CDHR3: variants seen among roughly 807,000 people sequenced by gnomAD.
The protein encoded by CDHR3 is cadherin-related family member 3.
In CDHR3, 79 loss-of-function variants were observed where a neutral mutation model predicts 86.6. That is an observed-to-expected ratio of 0.91 (90% CI 0.76 to 1.10). The LOEUF (loss-of-function observed/expected upper bound fraction) is 1.10, where lower values mean the gene tolerates loss of function less well. Among genes scored for constraint, CDHR3 ranks in the 50% least tolerant of loss-of-function variants. CDHR3 has a pLI of 0.00. For synonymous variants in CDHR3, 421 were observed against 402.4 expected, an observed-to-expected ratio of 1.05 and a Z score of -0.55; for missense variants, 1,081 against 1,077.6, an observed-to-expected ratio of 1.00 and a Z score of -0.04.
At chr7:105,981,789 C>T (rs1339343520) in intron 3 of CDHR3, among the ~76,000 whole-genome samples, 1 of 152,096 alleles carries the variant, frequency 6.6e-6, no homozygotes, top group African/African-American at 2.4e-5. Context: ...TCCACCCCCA[C>T]CCAAATCTGC....
intron 2 of CDHR3, 35 bp from the exon 3 acceptor site, chr7:105,980,933 C>A: frequency 6.4e-7 from 1 of 1,567,240 alleles, no homozygotes. Context: ...GATCTTCTTT[C>A]ACATGGTTAC....
At chr7:105,964,831 A>G (rs1277831594) in intron 1 of CDHR3, among the ~76,000 whole-genome samples, 1 of 152,130 alleles carries the variant, frequency 6.6e-6, no homozygotes, top group Non-Finnish European at 1.5e-5. Context: ...GGGCTTTTCA[A>G]CTCAGCAGAG....
At chr7:106,005,885 C>T (rs1833878988) in intron 8 of CDHR3, among the ~76,000 whole-genome samples, 1 of 152,182 alleles carries the variant, frequency 6.6e-6, no homozygotes, top group Admixed American at 6.5e-5. Context: ...ATCCAGTCTC[C>T]ACCCTGCTCT....
At chr7:106,015,772 A>AC in intron 10 of CDHR3, 155 bp from the exon 11 acceptor site, 1 of 683,058 alleles carries the variant, frequency 1.5e-6, no homozygotes, top group South Asian at 1.5e-5. Context: ...AAGGGTGAAC[A>AC]CCCTCGGCAT....
At chr7:105,996,197 T>G in intron 5 of CDHR3, 53 bp from the exon 6 acceptor site, 2 of 979,200 alleles carry the variant, frequency 2.0e-6, no homozygotes, top group Non-Finnish European at 3.2e-6. Flanking sequence ...CATCCTATTT[T>G]GAAGTAGTGC....
intron 2 of CDHR3, among the ~76,000 whole-genome samples, chr7:105,980,732 G>T (rs1486218552): frequency 6.6e-6 from 1 of 150,822 alleles, no homozygotes; most frequent in Non-Finnish European, 1.5e-5. Flanking sequence ...AAGGTCTCCT[G>T]ACTATTTTTC....
chr7:105,974,728 C>T, intron 1 of CDHR3, 116 bp from the exon 2 acceptor site: 2 of 748,008 alleles, frequency 2.7e-6, no homozygotes, highest in Non-Finnish European at 4.6e-6. Context: ...CGGGGAGTGA[C>T]CAGCTCTCAT....
rs1029781798 is a variant in CDHR3 at position 106,033,158 on chromosome 7, G to A, written c.*461G>A. 1.3e-5 allele frequency: 2 copies of A among 156,252 alleles called. No homozygotes were observed. The highest frequency in any genetic ancestry group is 4.8e-5 in the African/African-American group (2 of 41,476). 9.7% of individuals were successfully genotyped at this position (156,252 alleles called of 1,614,324 possible). A position where few individuals can be genotyped will look rare whatever the true frequency, so the allele number is the denominator to read the frequency against. The stretch of plus-strand genomic sequence containing the variant: ...ATAAATATGCCATACACCTTTGTAA[G>A]TCACCTCAAATCTTCTTCAAAAGAA... On this transcript the variant is annotated 3_prime_UTR_variant, in exon 19 of 19. Transcript: ENST00000317716.
At chr7:106,027,956 C>G (rs1837618522) in intron 16 of CDHR3, among the ~76,000 whole-genome samples, 1 of 151,726 alleles carries the variant, frequency 6.6e-6, no homozygotes, top group African/African-American at 2.4e-5. Flanking sequence ...GAAACCCTGT[C>G]TGTAGAAAAA....
intron 1 of CDHR3, among the ~76,000 whole-genome samples, chr7:105,966,896 G>A (rs1827023397): frequency 6.6e-6 from 1 of 151,934 alleles, no homozygotes; most frequent in Admixed American, 6.5e-5. Flanking sequence ...TGACCTAGCT[G>A]GTGCAAAATT....
At chr7:105,994,946 C>A in intron 5 of CDHR3, 101 bp downstream of exon 5, 2 of 896,656 alleles carry the variant, frequency 2.2e-6, no homozygotes, top group South Asian at 1.5e-5. Flanking sequence ...CTGGGGGGAG[C>A]CCCTTGAGCA....
Position 106,028,594 on chromosome 7 carries a change from C to T in CDHR3, c.2304+12C>T. 2 of 1,613,778 alleles carry T rather than the reference C, an allele frequency of 1.2e-6. No individual in the cohort carries two copies. Among genetic ancestry groups the T allele is most frequent in the Non-Finnish European group, 1.7e-6 (2 of 1,179,794 alleles). On this transcript the variant is annotated intron_variant, in intron 17 of 18. Coordinates refer to ENST00000317716, the MANE Select transcript of CDHR3 (RefSeq NM_152750.5). ...GAGACGTCGTGGTGGTGAGTATGGG[C>T]AGTGTGGGGCACCAGGCATAGACGC...
At chr7:106,009,674 G>A (rs951080508) in intron 8 of CDHR3, among the ~76,000 whole-genome samples, 10 of 152,138 alleles carry the variant, frequency 6.6e-5, no homozygotes, top group Admixed American at 5.2e-4. Flanking sequence ...TGCTGCCCGC[G>A]CGGGCTCCTG....
At chr7:105,974,499 A>T (rs1412562560) in intron 1 of CDHR3, among the ~76,000 whole-genome samples, 2 of 136,798 alleles carry the variant, frequency 1.5e-5, no homozygotes, top group Non-Finnish European at 3.3e-5. Context: ...AAGTTTCTTT[A>T]GGCGGATGTC....
chr7:106,001,910 G>A (rs1833252200), intron 7 of CDHR3, among the ~76,000 whole-genome samples: 1 of 152,184 alleles, frequency 6.6e-6, no homozygotes, highest in South Asian at 2.1e-4. Context: ...TATGTTTAGT[G>A]CAAATGCAGC....
intron 9 of CDHR3, 107 bp from the exon 10 acceptor site, chr7:106,014,989 AGTGTTTGCCAAAAGC>A (rs1221541371): frequency 4.4e-6 from 3 of 685,796 alleles, no homozygotes; most frequent in Non-Finnish European, 7.2e-6. Flanking sequence ...TTATGGGCAA[AGTGTTTGCCAAAAGC>A]GTTTTGCCAA....
chr7:105,978,298 C>T (rs987865902), intron 2 of CDHR3, among the ~76,000 whole-genome samples: 3 of 152,196 alleles, frequency 2.0e-5, no homozygotes, highest in African/African-American at 7.2e-5. Flanking sequence ...AGAGTGACTG[C>T]CAGCTGGCTG....
chr7:106,032,521 G>A lies in CDHR3; in HGVS notation c.2482G>A (p.Glu828Lys). The change falls in exon 19 of 19, where the codon GAA becomes AAA. Residue 828 changes from glutamate to lysine, a missense_variant. Glu to Lys is a moderately conservative substitution (Grantham distance 56). Transcript: ENST00000317716. ...GAAPRRVTAGEGMGSLRSANW... is the reference protein window; with the variant it reads ...GAAPRRVTAGKGMGSLRSANW... ...TGCCCCACGCAGAGTCACTGCTGGGGAAGGGATGGGGTCACTGAGAAGTGC... is the reference window on the plus strand; with the variant it reads ...TGCCCCACGCAGAGTCACTGCTGGGAAAGGGATGGGGTCACTGAGAAGTGC... 6.2e-7 allele frequency: 1 copy of A among 1,614,016 alleles called. No individual in the cohort carries two copies. Among genetic ancestry groups the A allele is most frequent in the Non-Finnish European group, 8.5e-7 (1 of 1,179,876 alleles).
intron 8 of CDHR3, among the ~76,000 whole-genome samples, chr7:106,008,320 T>C (rs571650358): frequency 5.9e-5 from 9 of 152,260 alleles, no homozygotes; most frequent in Admixed American, 5.9e-4. Flanking sequence ...GGTGCATCCC[T>C]TCCCTGCCTG....
Sources: gnomAD v4.1 joint callset for allele counts (sites outside exome capture counted in the v4.1 genomes callset) on GRCh38, gnomAD v4.1.1 for gene constraint, MANE v1.5 for transcripts, NCBI Gene and HGNC (gene_info 2026-07-23, HGNC 2026-07-21) for gene names.